ATP8A2: variants seen among roughly 807,000 people sequenced by gnomAD.
The protein encoded by ATP8A2 is ATPase phospholipid transporting 8A2, also known as phospholipid-transporting ATPase IB.
ATP8A2 carries 100 observed loss-of-function variants against 165.6 expected under a neutral mutation model. The observed-to-expected ratio is 0.60, with a 90% CI of 0.51 to 0.71. ATP8A2 has a LOEUF of 0.71. Ranked by LOEUF, ATP8A2 falls within the 30% of genes least tolerant of loss-of-function variation. The pLI is 0.00. For synonymous variants in ATP8A2, 543 were observed against 548.8 expected (o/e 0.99, Z 0.15); for missense variants, 1,227 against 1,479.5 (o/e 0.83, Z 2.80).
intron 30 of ATP8A2, among the ~76,000 whole-genome samples, chr13:25,845,285 C>T (rs1159104022): frequency 6.6e-6 from 1 of 152,132 alleles, no homozygotes; most frequent in Non-Finnish European, 1.5e-5. Flanking sequence ...CATGTCCAGT[C>T]GGCAGAGTTG....
chr13:25,486,881 G>A (rs1015892581), intron 2 of ATP8A2, among the ~76,000 whole-genome samples: 2 of 152,164 alleles, frequency 1.3e-5, no homozygotes, highest in Admixed American at 6.5e-5. Flanking sequence ...GTGGAGGATC[G>A]CTTGAGCCTG....
intron 24 of ATP8A2, among the ~76,000 whole-genome samples, chr13:25,640,402 TA>T (rs1487404850): frequency 4.0e-5 from 6 of 151,700 alleles, no homozygotes; most frequent in Admixed American, 3.9e-4. Flanking sequence ...ATAGACACAA[TA>T]AAAAATGATA....
chr13:25,883,041 C>T (rs2138860149), intron 33 of ATP8A2, among the ~76,000 whole-genome samples: 1 of 152,228 alleles, frequency 6.6e-6, no homozygotes, highest in East Asian at 1.9e-4. Flanking sequence ...TGTACCTATT[C>T]TCTATGAGAA....
In ATP8A2 at chr13:25,671,728, G is replaced by A. The variant is rs534766709; in HGVS notation, c.2212-27445G>A. ...TGATAAGATGTTATCAATGACAACG[G>A]TGGCCAAAACTTCATTAGCAATTTT... On this transcript the variant is annotated intron_variant, in intron 24 of 36. Coordinates refer to ENST00000381655, the MANE Select transcript of ATP8A2 (RefSeq NM_016529.6). 2.6e-5 allele frequency among the ~76,000 whole-genome samples: 4 copies of A among 152,298 alleles called. No individual in the cohort carries two copies. In the East Asian group the frequency reaches 7.7e-4, roughly 29 times the overall value.
intron 2 of ATP8A2, among the ~76,000 whole-genome samples, chr13:25,499,025 C>T (rs1028968706): frequency 2.0e-5 from 3 of 152,210 alleles, no homozygotes; most frequent in Non-Finnish European, 4.4e-5. Context: ...GAAAGTAAAA[C>T]TGAGATTCCT....
In ATP8A2 at chr13:25,989,145, C is replaced by A. The variant is rs148657890; in HGVS notation, c.3377+20466C>A. On this transcript the variant is annotated intron_variant, in intron 35 of 36. Transcript: ENST00000381655. ...CTTCAACAATTCAGTCAGGGGGTCC[C>A]TGCAGCCAGCTTTGAATTATTCTGT... Among the ~76,000 whole-genome samples the A allele has an allele frequency of 7.5e-3, 1,135 of 152,314 alleles. 11 individuals are homozygous for A. The highest frequency in any genetic ancestry group is 0.012 in the Non-Finnish European group (789 of 68,028).
intron 35 of ATP8A2, among the ~76,000 whole-genome samples, chr13:25,982,941 A>G (rs1343051952): frequency 6.6e-6 from 1 of 152,178 alleles, no homozygotes; most frequent in African/African-American, 2.4e-5. Flanking sequence ...TTTATGTAAT[A>G]TTCTCAAAGG....
At chr13:25,540,813 A>G (rs2038450435) in intron 8 of ATP8A2, among the ~76,000 whole-genome samples, 1 of 151,910 alleles carries the variant, frequency 6.6e-6, no homozygotes, top group African/African-American at 2.4e-5. Context: ...CTTAAAGAAA[A>G]CTATTCTTAC....
intron 33 of ATP8A2, among the ~76,000 whole-genome samples, chr13:25,922,150 C>A (rs907503675): frequency 6.6e-6 from 1 of 152,116 alleles, no homozygotes; most frequent in African/African-American, 2.4e-5. Flanking sequence ...GTTCTCCTTA[C>A]CCTAAAATTC....
At chr13:25,626,364 A>G (rs542137323) in intron 24 of ATP8A2, among the ~76,000 whole-genome samples, 64 of 152,272 alleles carry the variant, frequency 4.2e-4, no homozygotes, top group African/African-American at 1.1e-3. Context: ...ACCATATTGC[A>G]AGAGCACAAG....
At chr13:25,786,905 A>C (rs1291541489) in intron 27 of ATP8A2, among the ~76,000 whole-genome samples, 1 of 151,958 alleles carries the variant, frequency 6.6e-6, no homozygotes, top group African/African-American at 2.4e-5. Context: ...ACAGGTGTCC[A>C]CCACCATACC....
At chr13:25,760,014 T>A (rs1372477610) in intron 25 of ATP8A2, among the ~76,000 whole-genome samples, 1 of 152,162 alleles carries the variant, frequency 6.6e-6, no homozygotes, top group African/African-American at 2.4e-5. Flanking sequence ...CAAAGTATCC[T>A]TATTTCAAAG....
intron 1 of ATP8A2, among the ~76,000 whole-genome samples, chr13:25,460,747 G>A (rs1443042896): frequency 1.3e-5 from 2 of 152,174 alleles, no homozygotes; most frequent in Non-Finnish European, 1.5e-5. Flanking sequence ...AGTATCACCA[G>A]CACGTGTCCC....
At chr13:25,508,249 G>C (rs2037112640) in intron 2 of ATP8A2, among the ~76,000 whole-genome samples, 1 of 152,142 alleles carries the variant, frequency 6.6e-6, no homozygotes, top group African/African-American at 2.4e-5. Flanking sequence ...TAGGAACTTA[G>C]GAAATCTGAA....
intron 33 of ATP8A2, among the ~76,000 whole-genome samples, chr13:25,911,213 T>G (rs903102247): frequency 6.6e-6 from 1 of 152,156 alleles, no homozygotes; most frequent in Non-Finnish European, 1.5e-5. Context: ...AACAATAGAC[T>G]TGCCAAGATG....
chr13:25,530,385 A>C (rs547081327), intron 3 of ATP8A2, among the ~76,000 whole-genome samples, 177 bp from the exon 4 acceptor site: 3 of 152,226 alleles, frequency 2.0e-5, no homozygotes, highest in South Asian at 4.1e-4. Context: ...TGTTGGATAA[A>C]ATTTTTAAAA....
chr13:25,725,181 T>C (rs139310760), intron 25 of ATP8A2, among the ~76,000 whole-genome samples: 106 of 152,330 alleles, frequency 7.0e-4, no homozygotes, highest in African/African-American at 2.1e-3. Context: ...AAGCACAGGA[T>C]CAAAAAGAAA....
At chr13:25,911,020 G>T (rs1449777997) in intron 33 of ATP8A2, among the ~76,000 whole-genome samples, 2 of 151,640 alleles carry the variant, frequency 1.3e-5, no homozygotes, top group African/African-American at 2.4e-5. Flanking sequence ...ACCCCTGCAG[G>T]GTCACCAGGA....
intron 35 of ATP8A2, among the ~76,000 whole-genome samples, chr13:25,996,856 G>A (rs982768336): frequency 6.6e-6 from 1 of 152,212 alleles, no homozygotes; most frequent in Non-Finnish European, 1.5e-5. Flanking sequence ...GCTAATTTTT[G>A]TATTTTTAGT....
Sources: gnomAD v4.1 joint callset for allele counts (sites outside exome capture counted in the v4.1 genomes callset) on GRCh38, gnomAD v4.1.1 for gene constraint, MANE v1.5 for transcripts, NCBI Gene and HGNC (gene_info 2026-07-23, HGNC 2026-07-21) for gene names.